MAPRE2: variants seen among roughly 807,000 people sequenced by gnomAD.
The protein encoded by MAPRE2 is microtubule associated protein RP/EB family member 2, also known as microtubule-associated protein RP/EB family member 2.
MAPRE2 carries 13 observed loss-of-function variants against 43.2 expected under a neutral mutation model. The observed-to-expected ratio is 0.30, with a 90% CI of 0.20 to 0.48. The LOEUF (loss-of-function observed/expected upper bound fraction) is 0.48. Among genes scored for constraint, MAPRE2 ranks in the 20% least tolerant of loss-of-function variants. The probability of loss-of-function intolerance (pLI) is 0.99; values close to 1 mark genes in which losing one functional copy is unlikely to be tolerated. For synonymous variants in MAPRE2, 135 were observed against 148.8 expected, an observed-to-expected ratio of 0.91 and a Z score of 0.68; for missense variants, 161 against 400.2, an observed-to-expected ratio of 0.40 and a Z score of 5.10.
chr18:35,082,097 C>A (rs1342505354), intron 2 of MAPRE2: 1 of 119,780 alleles, frequency 8.3e-6, no homozygotes, highest in Non-Finnish European at 1.6e-5. Flanking sequence ...GAGACCATCC[C>A]GGCTAAAACG....
intron 2 of MAPRE2, among the ~76,000 whole-genome samples, chr18:35,033,694 T>G (rs992038525): frequency 6.6e-6 from 1 of 150,592 alleles, no homozygotes; most frequent in African/African-American, 2.4e-5. Flanking sequence ...TGTACAAAAA[T>G]CACAAGCATT....
chr18:35,107,656 A>G (rs994450042), intron 4 of MAPRE2, among the ~76,000 whole-genome samples: 1 of 152,162 alleles, frequency 6.6e-6, no homozygotes, highest in African/African-American at 2.4e-5. Flanking sequence ...GACCACATGC[A>G]CTTGAAAAGA....
At chr18:35,053,307 T>G (rs1259603385) in intron 1 of MAPRE2, among the ~76,000 whole-genome samples, 1 of 152,012 alleles carries the variant, frequency 6.6e-6, no homozygotes, top group Non-Finnish European at 1.5e-5. Context: ...GGCAGGAGAA[T>G]CACTTGAACC....
chr18:35,014,055 A>C (rs2097036557), intron 2 of MAPRE2, among the ~76,000 whole-genome samples: 1 of 152,154 alleles, frequency 6.6e-6, no homozygotes, highest in South Asian at 2.1e-4. Flanking sequence ...AGGAGGCAAG[A>C]GGGGAGACCA....
intron 2 of MAPRE2, among the ~76,000 whole-genome samples, chr18:35,085,505 G>A (rs1254033091): frequency 6.6e-6 from 1 of 152,226 alleles, no homozygotes; most frequent in Admixed American, 6.5e-5. Context: ...GTACATGGAA[G>A]ATAGGGTCAC....
intron 2 of MAPRE2, among the ~76,000 whole-genome samples, chr18:35,072,030 A>ATCTACTGAAATGTCTCTAAAAGTTACTT (rs1379877204): frequency 1.3e-5 from 2 of 152,338 alleles, no homozygotes; most frequent in East Asian, 3.9e-4. Flanking sequence ...TATATTGTTG[A>ATCTACTGAAATGTCTCTAAAAGTTACTT]TCTACTGAAA....
rs1452951193 is a variant in MAPRE2, at chr18:35,068,065, AT to A, written c.123-2125del. On this transcript the variant is annotated intron_variant, in intron 1 of 6. Transcript: ENST00000300249. ...TCTGGGAATGGAGTGATAGATATTT[AT>A]TTTTACATTTATTTCTAAATGAAAC... Among the ~76,000 whole-genome samples, 11 of 152,250 alleles carry A rather than the reference AT, an allele frequency of 7.2e-5. No individual in the cohort carries two copies. In the East Asian group the frequency reaches 2.1e-3, roughly 29 times the overall value.
rs142149468 is a variant in MAPRE2, at chr18:35,107,603, A to G, written c.610+5444A>G. Among the ~76,000 whole-genome samples the G allele has an allele frequency of 1.9e-3, 296 of 152,246 alleles. 1 individual carries two copies. The highest frequency in any genetic ancestry group is 0.017 in the Middle Eastern group (5 of 294). On this transcript the variant is annotated intron_variant, in intron 4 of 6. Coordinates refer to ENST00000300249, the MANE Select transcript of MAPRE2 (RefSeq NM_014268.4). ...AGGAGTGGTTTTCATCCTTGTTCTG[A>G]TCTTGGCTTTATGGCCCAGGATGTA...
intron 2 of MAPRE2, among the ~76,000 whole-genome samples, chr18:35,023,498 C>T (rs992765214): frequency 1.5e-4 from 22 of 149,572 alleles, no homozygotes; most frequent in South Asian, 1.0e-3. Context: ...GGCAACAAAG[C>T]GAGACTCCTT....
At chr18:35,096,813 AAGTAATACTTAATAAGTAATACTT>A (rs1430484229) in intron 2 of MAPRE2, among the ~76,000 whole-genome samples, 6 of 145,900 alleles carry the variant, frequency 4.1e-5, no homozygotes, top group Non-Finnish European at 7.5e-5. Flanking sequence ...AATACTTAAT[AAGTAATACTTAATAAGTAATACTT>A]AGTAATACTT....
chr18:35,135,703 G>A (rs940558495), intron 6 of MAPRE2, among the ~76,000 whole-genome samples: 1 of 152,244 alleles, frequency 6.6e-6, no homozygotes, highest in African/African-American at 2.4e-5. Context: ...CTGACATTGT[G>A]TCCTGTTTTC....
At chr18:35,135,532 G>A (rs1361721190) in intron 6 of MAPRE2, among the ~76,000 whole-genome samples, 1 of 152,046 alleles carries the variant, frequency 6.6e-6, no homozygotes, top group Non-Finnish European at 1.5e-5. Flanking sequence ...TACACTGGGG[G>A]AGTGAGCCTT....
intron 1 of MAPRE2, chr18:34,978,499 CTGA>C (rs1254282211): frequency 6.4e-7 from 1 of 1,551,256 alleles, no homozygotes; most frequent in African/African-American, 1.4e-5. Flanking sequence ...TACACTTTTG[CTGA>C]ATAGGACACT....
intron 4 of MAPRE2, among the ~76,000 whole-genome samples, chr18:35,111,603 G>A (rs1029162825): frequency 1.3e-5 from 2 of 152,192 alleles, no homozygotes; most frequent in African/African-American, 2.4e-5. Context: ...TAGAGTCCAA[G>A]GGAAAAATAC....
chr18:35,139,881 A>G (rs1288314812), intron 6 of MAPRE2, among the ~76,000 whole-genome samples: 1 of 152,154 alleles, frequency 6.6e-6, no homozygotes, highest in Non-Finnish European at 1.5e-5. Context: ...GACACCCCCC[A>G]CCAAAATACC....
Position 35,010,816 on chromosome 18 carries a change from G to A in MAPRE2, c.-8+5263G>A, listed in dbSNP as rs117316899. Among the ~76,000 whole-genome samples the A allele has an allele frequency of 1.8e-4, 28 of 152,258 alleles. No homozygotes were observed. The East Asian group carries it at 2.1e-3, about 12-fold the overall frequency. ...TTAAGAATTCACTTGTTTTCTCTGTGTTTTACCTTAAAATAATGTGTCAAA... is the reference window on the plus strand; with the variant it reads ...TTAAGAATTCACTTGTTTTCTCTGTATTTTACCTTAAAATAATGTGTCAAA... On this transcript the variant is annotated intron_variant, in intron 2 of 7. Coordinates refer to the MAPRE2 transcript ENST00000413393.
chr18:35,052,193 C>T (rs1239623768), intron 1 of MAPRE2, among the ~76,000 whole-genome samples: 1 of 152,190 alleles, frequency 6.6e-6, no homozygotes, highest in Non-Finnish European at 1.5e-5. Flanking sequence ...AGAACATTTC[C>T]ATCACCCCCA....
intron 4 of MAPRE2, among the ~76,000 whole-genome samples, chr18:35,111,311 T>C (rs538729636): frequency 7.2e-5 from 11 of 152,228 alleles, no homozygotes; most frequent in Admixed American, 1.3e-4. Flanking sequence ...GCCTACCTTT[T>C]CATTCATTAT....
In MAPRE2 at chr18:35,140,379, GCTGCT is replaced by G; in HGVS notation, c.*13_*17del. 6.2e-7 allele frequency: 1 copy of G among 1,605,038 alleles called. No homozygotes were observed. Among genetic ancestry groups the G allele is most frequent in the Non-Finnish European group, 8.5e-7 (1 of 1,175,746 alleles). On this transcript the variant is annotated 3_prime_UTR_variant, in exon 7 of 7. Transcript: ENST00000300249. Reference sequence around the variant, plus strand: ...GCAGGAAGAGTACTGACCCACCCCGGCTGCTCTTGACACTTCCATTGTGTGTGGGA... The same window carrying G: ...GCAGGAAGAGTACTGACCCACCCCGGCTTGACACTTCCATTGTGTGTGGGA...
Sources: allele counts gnomAD v4.1 joint callset (sites outside exome capture counted in the v4.1 genomes callset), GRCh38; gene constraint gnomAD v4.1.1; transcripts MANE v1.5; gene names NCBI Gene and HGNC (gene_info 2026-07-23, HGNC 2026-07-21).